The following MMD2 variants were observed in gnomAD, a reference collection of about 807,000 sequenced individuals.
MMD2 encodes the protein monocyte to macrophage differentiation associated 2.
In MMD2, 30 loss-of-function variants were observed where a neutral mutation model predicts 33.5. That is an observed-to-expected ratio of 0.90 (90% CI 0.67 to 1.22). The LOEUF is 1.22. Ranked by LOEUF, MMD2 falls within the 50% of genes most tolerant of loss-of-function variation. The pLI, the probability that MMD2 is intolerant of heterozygous loss-of-function variation, is 0.00. For missense variants in MMD2, 364 were observed against 325.4 expected (o/e 1.12, Z -0.91); for synonymous variants, 129 against 123.0 (o/e 1.05, Z -0.32).
At chr7:4,911,770 T>C (rs1785017123) in intron 4 of MMD2, among the ~76,000 whole-genome samples, 1 of 152,026 alleles carries the variant, frequency 6.6e-6, no homozygotes, top group Non-Finnish European at 1.5e-5. Flanking sequence ...TGCCTCAGCC[T>C]CCTGAGTAGC....
chr7:4,919,141 T>C (rs1391853668), intron 3 of MMD2, among the ~76,000 whole-genome samples: 1 of 151,770 alleles, frequency 6.6e-6, no homozygotes, highest in Admixed American at 6.6e-5. Context: ...GGGATTCTAG[T>C]GCCTGCATTG....
chr7:4,955,838 A>G (rs1786368391), intron 1 of MMD2, among the ~76,000 whole-genome samples: 1 of 152,152 alleles, frequency 6.6e-6, no homozygotes, highest in South Asian at 2.1e-4. Flanking sequence ...GGATCATTTG[A>G]GGTCAGGAGT....
chr7:4,946,092 C>T lies in MMD2; in HGVS notation c.47+12879G>A, dbSNP rs996427498. Among the ~76,000 whole-genome samples, 3 of 151,788 alleles carry T rather than the reference C, an allele frequency of 2.0e-5. No homozygotes were observed. The highest frequency in any genetic ancestry group is 6.6e-5 in the Admixed American group (1 of 15,200). ...ACTCACACGCACGCACACGCACGCA[C>T]ACACACGCATGCACACGCGCACACG... On this transcript the variant is annotated intron_variant, in intron 1 of 6. Coordinates refer to ENST00000401401, the MANE Select transcript of MMD2 (RefSeq NM_198403.4). The surrounding 1 kb of genome is among the most constrained non-coding windows in gnomAD (Gnocchi z 5.0).
chr7:4,931,485 C>T (rs1007017447), intron 1 of MMD2, among the ~76,000 whole-genome samples: 6 of 151,790 alleles, frequency 4.0e-5, no homozygotes, highest in Non-Finnish European at 5.9e-5. Flanking sequence ...CAGGGTCTCA[C>T]TCTGTCACCC....
At chr7:4,901,259 G>A (rs962748551), downstream of MMD2, among the ~76,000 whole-genome samples, 6 of 151,600 alleles carry the variant, frequency 4.0e-5, no homozygotes, top group East Asian at 1.9e-4. Flanking sequence ...TGACTAACTC[G>A]GTGAAATCAC....
At chr7:4,935,498 A>T (rs1238581224) in intron 1 of MMD2, among the ~76,000 whole-genome samples, 1 of 151,936 alleles carries the variant, frequency 6.6e-6, no homozygotes, top group African/African-American at 2.4e-5. Context: ...AGAGACAGTG[A>T]GACCTTATTT....
intron 4 of MMD2, among the ~76,000 whole-genome samples, chr7:4,913,988 G>C (rs912055128): frequency 7.9e-5 from 12 of 152,000 alleles, no homozygotes; most frequent in African/African-American, 2.4e-4. Context: ...ACATGTTTCA[G>C]TTTCTTGTTT....
chr7:4,921,583 T>C (rs1206141350), intron 2 of MMD2, among the ~76,000 whole-genome samples: 2 of 144,080 alleles, frequency 1.4e-5, no homozygotes, highest in Non-Finnish European at 3.0e-5. Flanking sequence ...ATCGCGCCAC[T>C]GCACTCCAGC....
intron 1 of MMD2, among the ~76,000 whole-genome samples, chr7:4,947,049 A>G (rs1039117826): frequency 6.6e-6 from 1 of 152,034 alleles, no homozygotes; most frequent in Non-Finnish European, 1.5e-5. Context: ...CTCTACTGAA[A>G]ATACAAAAAT....
At chr7:4,900,633 C>A in the MMD2 span, among the ~76,000 whole-genome samples, 2 of 152,058 alleles carry the variant, frequency 1.3e-5, no homozygotes, top group Non-Finnish European at 2.9e-5. Flanking sequence ...CACCTCCCAC[C>A]CCAGCAGTGG....
At chr7:4,911,603 A>ATTTTATTTAT (rs1462823440) in intron 4 of MMD2, among the ~76,000 whole-genome samples, 1 of 144,884 alleles carries the variant, frequency 6.9e-6, no homozygotes, top group African/African-American at 2.6e-5. Flanking sequence ...GTTTTGTTTT[A>ATTTTATTTAT]TTTATTTTAT....
chr7:4,925,407 A>G, intron 2 of MMD2, 44 bp downstream of exon 2: 17 of 1,129,798 alleles, frequency 1.5e-5, no homozygotes, highest in South Asian at 3.3e-5. Context: ...CCTTCCCCGG[A>G]AGTGTCCCCA....
At chr7:4,898,635 G>A in the MMD2 span, among the ~76,000 whole-genome samples, 5 of 152,172 alleles carry the variant, frequency 3.3e-5, no homozygotes, top group African/African-American at 4.8e-5. Flanking sequence ...AGTGGCTCCC[G>A]CCTGTAATTG....
Position 4,911,258 on chromosome 7 carries a change from A to G in MMD2, c.366-12T>C. 1 of 1,570,214 alleles carries G rather than the reference A, an allele frequency of 6.4e-7. No homozygotes were observed. The highest frequency in any genetic ancestry group is 8.6e-7 in the Non-Finnish European group (1 of 1,157,838). On this transcript the variant is annotated splice_polypyrimidine_tract_variant and intron_variant, in intron 4 of 6. Coordinates refer to ENST00000401401, the MANE Select transcript of MMD2 (RefSeq NM_198403.4). ...CCCGAAGGTTCAGCCTGGGAGAGAA[A>G]GAGCCAAGGCCATGGCCCTGAGGGG...
chr7:4,955,569 TG>T (rs1215931586), intron 1 of MMD2, among the ~76,000 whole-genome samples: 4 of 152,122 alleles, frequency 2.6e-5, no homozygotes, highest in Admixed American at 6.6e-5. Flanking sequence ...TGAAGACTTG[TG>T]GGGAAAAAAA....
At position 4,911,297 on chromosome 7, in the gene MMD2, C is replaced by A. The variant is rs1429807613; in HGVS notation, c.366-51G>T. 5.6e-5 allele frequency: 82 copies of A among 1,470,544 alleles called. No individual in the cohort carries two copies. The South Asian group carries it at 9.4e-4, about 17-fold the overall frequency. The allele number at this position is 1,470,544 out of a possible 1,614,324, so 91.1% of individuals were successfully genotyped here. ...GGCCCTGAGGGGGGCCCACCAGGAC[C>A]CCGGCCCTCGAGGACCGGCCTGTCA... On this transcript the variant is annotated intron_variant, in intron 4 of 6. Transcript: ENST00000401401.
At chr7:4,947,865 AT>A (rs1442646089) in intron 1 of MMD2, among the ~76,000 whole-genome samples, 1 of 140,058 alleles carries the variant, frequency 7.1e-6, no homozygotes, top group East Asian at 2.1e-4. Context: ...CACCTGGCTA[AT>A]TTTTTGTATT....
At chr7:4,896,214 T>TCA in the MMD2 span, among the ~76,000 whole-genome samples, 25 of 152,300 alleles carry the variant, frequency 1.6e-4, no homozygotes, top group East Asian at 4.8e-3. Context: ...AGGTGGTGGC[T>TCA]CACACCTTTA....
chr7:4,934,031 G>A (rs979434236), intron 1 of MMD2, among the ~76,000 whole-genome samples: 1 of 143,492 alleles, frequency 7.0e-6, no homozygotes, highest in African/African-American at 2.6e-5. Flanking sequence ...CCATGTTCAA[G>A]CAATTCTCCT....
Sources: allele counts gnomAD v4.1 joint callset (sites outside exome capture counted in the v4.1 genomes callset), GRCh38; gene constraint gnomAD v4.1.1; non-coding constraint Gnocchi (gnomAD v3.1); transcripts MANE v1.5; gene names NCBI Gene and HGNC (gene_info 2026-07-23, HGNC 2026-07-21).